PKHD1L1: variants seen among roughly 807,000 people sequenced by gnomAD.
PKHD1L1 encodes the protein PKHD1 like 1.
In PKHD1L1, 434 loss-of-function variants were observed where a neutral mutation model predicts 462.9. The ratio of observed to expected loss-of-function variants is 0.94; its 90% CI spans 0.87 to 1.02. The LOEUF (loss-of-function observed/expected upper bound fraction) is 1.02, where lower values mean the gene tolerates loss of function less well. Among genes scored for constraint, PKHD1L1 ranks in the 50% least tolerant of loss-of-function variants. The pLI is 0.00. For synonymous variants in PKHD1L1, 1,781 were observed against 1,750.0 expected, an observed-to-expected ratio of 1.02 and a Z score of -0.44; for missense variants, 5,202 against 5,096.1, an observed-to-expected ratio of 1.02 and a Z score of -0.63.
intron 23 of PKHD1L1, among the ~76,000 whole-genome samples, chr8:109,421,647 G>T (rs951903783): frequency 6.6e-6 from 1 of 152,158 alleles, no homozygotes; most frequent in African/African-American, 2.4e-5. Flanking sequence ...AGCCGGGCGT[G>T]GTGGCGGGGG....
chr8:109,388,687 C>T, intron 7 of PKHD1L1, 137 bp downstream of exon 7: 1 of 647,740 alleles, frequency 1.5e-6, no homozygotes. Context: ...CCACATAGCG[C>T]ATTAGCAATC....
rs186716306 is a variant in PKHD1L1, at chr8:109,420,644, A to G, written c.2651A>G (p.Tyr884Cys). Residue 884 changes from tyrosine to cysteine, a missense_variant, in exon 23 of 78, where the codon TAC becomes TGC. Tyr to Cys is a radical substitution (Grantham distance 194). This residue lies in a region of PKHD1L1 where 4,497 missense variants were observed against 4,336.8 expected (regional missense o/e 1.04). Transcript: ENST00000378402. ...TNQYSVTMTS[Y>C]NCSYNIPMMA... ...CAATATTCTGTTACCATGACTTCAT[A>G]CAATTGCAGTTACAATATACCCATG... 5,057 of 1,606,528 alleles carry G rather than the reference A, an allele frequency of 3.1e-3. 8 individuals carry two copies. Among genetic ancestry groups the G allele is most frequent in the Middle Eastern group, 5.6e-3 (34 of 6,038 alleles).
chr8:109,520,211 G>A (rs533422871), intron 73 of PKHD1L1, among the ~76,000 whole-genome samples: 49 of 152,116 alleles, frequency 3.2e-4, no homozygotes, highest in African/African-American at 1.1e-3. Flanking sequence ...ACTTTCCTTC[G>A]TCAGTTCTGT....
At chr8:109,417,258 CATG>C (rs1438717678) in intron 21 of PKHD1L1, among the ~76,000 whole-genome samples, 1 of 152,012 alleles carries the variant, frequency 6.6e-6, no homozygotes, top group African/African-American at 2.4e-5. Flanking sequence ...CCCCATTTTA[CATG>C]ATATGATTAT....
intron 21 of PKHD1L1, among the ~76,000 whole-genome samples, chr8:109,417,833 A>T (rs1814264152): frequency 6.6e-6 from 1 of 152,210 alleles, no homozygotes; most frequent in Non-Finnish European, 1.5e-5. Context: ...TACAGGCGTG[A>T]GCCACTGCAC....
At chr8:109,437,526 A>G (rs77278567) in intron 30 of PKHD1L1, among the ~76,000 whole-genome samples, 126 of 130,668 alleles carry the variant, frequency 9.6e-4, no homozygotes, top group Middle Eastern at 5.3e-3. Context: ...CCAGGGACAC[A>G]GGAAGGGGAA....
chr8:109,491,169 G>A (rs1818806115), intron 61 of PKHD1L1, 68 bp downstream of exon 61: 1 of 1,425,236 alleles, frequency 7.0e-7, no homozygotes, highest in Admixed American at 2.0e-5. Context: ...ATACTCTAGA[G>A]CTACACTGCC....
At chr8:109,446,582 T>A (rs1005840734) in intron 38 of PKHD1L1, among the ~76,000 whole-genome samples, 5 of 152,212 alleles carry the variant, frequency 3.3e-5, no homozygotes, top group African/African-American at 1.2e-4. Context: ...TTCAACGAGT[T>A]TGCTGTCGAA....
At chr8:109,452,051 A>C in intron 41 of PKHD1L1, 73 bp from the exon 42 acceptor site, 1 of 1,397,254 alleles carries the variant, frequency 7.2e-7, no homozygotes, top group South Asian at 1.4e-5. Context: ...ATACATAGGA[A>C]TAAAAGGGTT....
At position 109,534,888 on chromosome 8, in the gene PKHD1L1, T is replaced by C. The variant is rs1410601474; in HGVS notation, c.*4798T>C. Among the ~76,000 whole-genome samples, 1 of 141,840 alleles carries C rather than the reference T, an allele frequency of 7.1e-6. No individual in the cohort carries two copies. Among genetic ancestry groups the C allele is most frequent in the African/African-American group, 2.6e-5 (1 of 38,266 alleles). The allele number at this position is 141,840 out of a possible 152,430, so 93.1% of individuals were successfully genotyped here. On this transcript the variant is annotated 3_prime_UTR_variant, in exon 78 of 78. Transcript: ENST00000378402. Reference sequence around the variant, plus strand: ...CTGTTCTAAGAACGCCATTCACCCATGAATGTGACTTTATTAGAGGTTTTT... The same window carrying C: ...CTGTTCTAAGAACGCCATTCACCCACGAATGTGACTTTATTAGAGGTTTTT...
chr8:109,406,632 T>C (rs983275046), intron 17 of PKHD1L1, among the ~76,000 whole-genome samples, 154 bp downstream of exon 17: 10 of 152,196 alleles, frequency 6.6e-5, no homozygotes, highest in Admixed American at 2.6e-4. Context: ...AAATTTTAGT[T>C]GTATTTCAAG....
intron 48 of PKHD1L1, among the ~76,000 whole-genome samples, chr8:109,463,073 T>G (rs542502878): frequency 6.6e-6 from 1 of 152,148 alleles, no homozygotes; most frequent in Non-Finnish European, 1.5e-5. Context: ...TAAGCTCTAT[T>G]ATTTTACAGA....
intron 7 of PKHD1L1, among the ~76,000 whole-genome samples, 176 bp from the exon 8 acceptor site, chr8:109,388,903 T>C (rs929111099): frequency 6.6e-6 from 1 of 152,204 alleles, no homozygotes; most frequent in African/African-American, 2.4e-5. Flanking sequence ...TAAAATTTTA[T>C]GCAAACATCT....
rs746595351 is a variant in PKHD1L1 at position 109,498,516 on chromosome 8, AATG to A, written c.10660_10662del (p.Asp3554del). On this transcript the variant is annotated inframe_deletion, in exon 66 of 78. Transcript: ENST00000378402. ...GTTTAATTGCTCTGATGTCCTAACT[AATG>A]ATGATCCTAATATTGAACTCACTGC... The A allele has an allele frequency of 6.2e-7, 1 of 1,613,692 alleles. No individual in the cohort carries two copies. The highest frequency in any genetic ancestry group is 1.3e-5 in the African/African-American group (1 of 74,926).
chr8:109,481,955 C>A, intron 56 of PKHD1L1, among the ~76,000 whole-genome samples: 1 of 151,732 alleles, frequency 6.6e-6, no homozygotes, highest in Non-Finnish European at 1.5e-5. Flanking sequence ...TAAAGGGTAA[C>A]TTTCCTACAC....
intron 13 of PKHD1L1, among the ~76,000 whole-genome samples, chr8:109,401,069 A>G (rs1813246842): frequency 6.6e-6 from 1 of 152,192 alleles, no homozygotes; most frequent in Non-Finnish European, 1.5e-5. Flanking sequence ...TGGGAAGCCC[A>G]AAGTCCTCTC....
chr8:109,364,083 T>A (rs1055249729), intron 1 of PKHD1L1, among the ~76,000 whole-genome samples: 9 of 152,186 alleles, frequency 5.9e-5, no homozygotes, highest in African/African-American at 2.2e-4. Flanking sequence ...AATAATTTCT[T>A]CTCAAAACCA....
chr8:109,487,900 G>GGAAGGAAA (rs1563600407), intron 59 of PKHD1L1, among the ~76,000 whole-genome samples: 3 of 137,818 alleles, frequency 2.2e-5, no homozygotes, highest in African/African-American at 8.0e-5. Context: ...GAGGAAGGAA[G>GGAAGGAAA]GAAGGAAGGA....
chr8:109,462,416 A>G (rs1466307676), intron 48 of PKHD1L1, among the ~76,000 whole-genome samples: 1 of 152,104 alleles, frequency 6.6e-6, no homozygotes, highest in African/African-American at 2.4e-5. Context: ...TGACCCAGAG[A>G]TACCGTCTGA....
Sources: allele counts gnomAD v4.1 joint callset (sites outside exome capture counted in the v4.1 genomes callset), GRCh38; gene constraint gnomAD v4.1.1; regional missense constraint gnomAD v4.1.1; transcripts MANE v1.5; gene names NCBI Gene and HGNC (gene_info 2026-07-23, HGNC 2026-07-21).